MACF1: variants seen among roughly 807,000 people sequenced by gnomAD.
The protein encoded by MACF1 is microtubule actin crosslinking factor 1.
In MACF1, 193 loss-of-function variants were observed where a neutral mutation model predicts 854.8. The ratio of observed to expected loss-of-function variants is 0.23; its 90% CI spans 0.20 to 0.25. The LOEUF (loss-of-function observed/expected upper bound fraction) is 0.25. Among genes scored for constraint, MACF1 ranks in the 10% least tolerant of loss-of-function variants. The pLI, the probability that MACF1 is intolerant of heterozygous loss-of-function variation, is 1.00. For missense variants in MACF1, 7,722 were observed against 8,929.1 expected (o/e 0.86, Z 5.45); for synonymous variants, 3,185 against 3,226.7 (o/e 0.99, Z 0.44).
intron 56 of MACF1, among the ~76,000 whole-genome samples, chr1:39,383,476 G>A (rs952076968): frequency 5.3e-5 from 8 of 152,106 alleles, no homozygotes; most frequent in Non-Finnish European, 8.8e-5. Context: ...AATTTTAAAA[G>A]TATATATTTA....
rs1643975016 is a variant in MACF1 at position 39,436,355 on chromosome 1, C to T, written c.17988+594C>T. 6 of 919,252 alleles carry T rather than the reference C, an allele frequency of 6.5e-6. No individual in the cohort carries two copies. In the East Asian group the frequency reaches 9.8e-5, roughly 15 times the overall value. The allele number at this position is 919,252 out of a possible 1,614,324, so 56.9% of individuals were successfully genotyped here. On this transcript the variant is annotated intron_variant, in intron 70 of 100. Coordinates refer to ENST00000564288, the MANE Select transcript of MACF1 (RefSeq NM_001394062.1). ...AATATTTGTACTTACTCAAGTTTCT[C>T]CCCCCACCTTCCGTCCCATCTCTCA...
intron 2 of MACF1, among the ~76,000 whole-genome samples, chr1:39,146,715 C>A (rs1643472577): frequency 6.6e-6 from 1 of 150,892 alleles, no homozygotes; most frequent in African/African-American, 2.4e-5. Context: ...GGGATGGGGT[C>A]ACAGGGAAGT....
chr1:39,246,195 A>G (rs763033418), intron 2 of MACF1, among the ~76,000 whole-genome samples: 12 of 152,036 alleles, frequency 7.9e-5, no homozygotes, highest in Non-Finnish European at 2.9e-5. Flanking sequence ...CTCAGTCCTT[A>G]GCACTCTGCT....
Position 39,434,406 on chromosome 1 carries a change from T to A in MACF1, c.17566-8T>A. On this transcript the variant is annotated splice_region_variant and splice_polypyrimidine_tract_variant and intron_variant, in intron 68 of 100. Coordinates refer to ENST00000564288, the MANE Select transcript of MACF1 (RefSeq NM_001394062.1). ...TTATCCTTTTTTTTTTTTTTTTTGC[T>A]CACATAGGAAAAGACAGAGTCTCTA... 1.3e-5 allele frequency: 16 copies of A among 1,255,980 alleles called. No homozygotes were observed. Among genetic ancestry groups the A allele is most frequent in the Non-Finnish European group, 1.7e-5 (15 of 895,442 alleles). 77.8% of individuals were successfully genotyped at this position (1,255,980 alleles called of 1,614,324 possible).
At position 39,333,951 on chromosome 1, in the gene MACF1, G is replaced by T. The variant is rs750127554; in HGVS notation, c.7363G>T (p.Val2455Phe). Reference protein sequence around the residue: ...ASKGRDAEKTVRERLISLQME... With the variant: ...ASKGRDAEKTFRERLISLQME... ...CAAAGGTAGAGATGCTGAAAAAACA[G>T]TTAGGGAGAGATTAATTAGTTTACA... Residue 2455 changes from valine to phenylalanine, a missense_variant, in exon 37 of 101, where the codon GTT (valine) becomes TTT (phenylalanine). Physicochemically the swap from Val to Phe is conservative, Grantham distance 50. Coordinates refer to ENST00000564288, the MANE Select transcript of MACF1 (RefSeq NM_001394062.1). The T allele has an allele frequency of 6.2e-7, 1 of 1,614,168 alleles. No homozygotes were observed. The highest frequency in any genetic ancestry group is 8.5e-7 in the Non-Finnish European group (1 of 1,180,020).
intron 97 of MACF1, among the ~76,000 whole-genome samples, chr1:39,472,266 A>G (rs1370578485): frequency 6.6e-6 from 1 of 152,218 alleles, no homozygotes; most frequent in Non-Finnish European, 1.5e-5. Context: ...AAATATTAAG[A>G]GTACCTTTAC....
chr1:39,151,945 T>G (rs1643588122), intron 2 of MACF1, among the ~76,000 whole-genome samples: 1 of 152,132 alleles, frequency 6.6e-6, no homozygotes, highest in African/African-American at 2.4e-5. Flanking sequence ...GATTCAGAAC[T>G]CACATTCTTG....
At chr1:39,416,157 G>C (rs978394866) in intron 58 of MACF1, among the ~76,000 whole-genome samples, 3 of 152,140 alleles carry the variant, frequency 2.0e-5, no homozygotes, top group Non-Finnish European at 4.4e-5. Context: ...TTGCTGAGTG[G>C]TGGTGGTTTT....
intron 2 of MACF1, among the ~76,000 whole-genome samples, chr1:39,140,046 T>C (rs1310402259): frequency 6.6e-6 from 1 of 152,000 alleles, no homozygotes; most frequent in Non-Finnish European, 1.5e-5. Flanking sequence ...CTCAAACTCC[T>C]GGGCTCAAGA....
At chr1:39,380,684 A>T (rs899591688) in intron 55 of MACF1, among the ~76,000 whole-genome samples, 1 of 152,166 alleles carries the variant, frequency 6.6e-6, no homozygotes, top group Admixed American at 6.5e-5. Flanking sequence ...AGACAGGAGG[A>T]TTGCTTGAAG....
At chr1:39,330,338 C>T (rs1646696225) in intron 36 of MACF1, among the ~76,000 whole-genome samples, 2 of 152,180 alleles carry the variant, frequency 1.3e-5, no homozygotes, top group South Asian at 4.1e-4. Context: ...GTAGTATACA[C>T]AGGCCTGTTT....
At chr1:39,403,733 G>A (rs1642572798) in intron 58 of MACF1, among the ~76,000 whole-genome samples, 1 of 151,976 alleles carries the variant, frequency 6.6e-6, no homozygotes, top group African/African-American at 2.4e-5. Context: ...AAGTATGCTT[G>A]CCACCCTAAG....
rs746604737 is a variant in MACF1, at chr1:39,485,686, A to T, written c.22560A>T (p.Ala7520=). ...ACSDTSESSA[A]GGQGNSRRGL... ...CCGACACTTCAGAAAGCAGCGCTGCAGGGGGCCAAGGCAACTCCAGGAGAG... is the reference window on the plus strand; with the variant it reads ...CCGACACTTCAGAAAGCAGCGCTGCTGGGGGCCAAGGCAACTCCAGGAGAG... Residue 7520 remains alanine (A), a synonymous_variant, in exon 101 of 101, where the codon GCA becomes GCT. Transcript: ENST00000564288. 1 of 1,614,112 alleles carries T rather than the reference A, an allele frequency of 6.2e-7. No individual in the cohort carries two copies. Among genetic ancestry groups the T allele is most frequent in the Non-Finnish European group, 8.5e-7 (1 of 1,180,010 alleles).
chr1:39,450,762 C>T (rs748664901), intron 84 of MACF1, among the ~76,000 whole-genome samples: 9 of 151,888 alleles, frequency 5.9e-5, no homozygotes, highest in Non-Finnish European at 1.0e-4. Context: ...CAGGCACCCA[C>T]CACCATGCCC....
intron 2 of MACF1, among the ~76,000 whole-genome samples, chr1:39,242,308 C>T (rs1226116332): frequency 2.0e-5 from 3 of 151,652 alleles, no homozygotes; most frequent in Non-Finnish European, 4.4e-5. Context: ...CGAGATAGCA[C>T]CACTGCACGC....
At chr1:39,415,231 TAAGC>T (rs1422734875) in intron 58 of MACF1, among the ~76,000 whole-genome samples, 3 of 152,196 alleles carry the variant, frequency 2.0e-5, no homozygotes, top group Non-Finnish European at 2.9e-5. Flanking sequence ...TTTGTGTCCT[TAAGC>T]AAGTCATTTT....
intron 58 of MACF1, among the ~76,000 whole-genome samples, chr1:39,396,900 C>T (rs556731865): frequency 6.6e-6 from 1 of 152,320 alleles, no homozygotes; most frequent in Admixed American, 6.5e-5. Flanking sequence ...GTGCACCCTC[C>T]CTACTTTGCC....
chr1:39,246,907 C>CT (rs59664447), intron 2 of MACF1, among the ~76,000 whole-genome samples: 13,408 of 136,250 alleles, frequency 0.098, 640 homozygotes, highest in East Asian at 0.14. Context: ...CTAAACATAG[C>CT]TTTTTTTTTT....
At chr1:39,186,023 A>G (rs1190738410) in intron 2 of MACF1, among the ~76,000 whole-genome samples, 2 of 152,158 alleles carry the variant, frequency 1.3e-5, no homozygotes, top group African/African-American at 2.4e-5. Flanking sequence ...CTGCCACATA[A>G]TATATACAGG....
Sources: gnomAD v4.1 joint callset for allele counts (sites outside exome capture counted in the v4.1 genomes callset) on GRCh38, gnomAD v4.1.1 for gene constraint, MANE v1.5 for transcripts, NCBI Gene and HGNC (gene_info 2026-07-23, HGNC 2026-07-21) for gene names.